The following CRISPLD1 variants were observed in gnomAD, a reference collection of about 807,000 sequenced individuals.
The protein encoded by CRISPLD1 is cysteine-rich secretory protein LCCL domain-containing 1.
In CRISPLD1, 60 loss-of-function variants were observed where a neutral mutation model predicts 77.5. The ratio of observed to expected loss-of-function variants is 0.77; its 90% CI spans 0.63 to 0.96. The LOEUF is 0.96. Among genes scored for constraint, CRISPLD1 ranks in the 40% least tolerant of loss-of-function variants. The probability of loss-of-function intolerance (pLI) is 0.00; values close to 1 mark genes in which losing one functional copy is unlikely to be tolerated. For missense variants in CRISPLD1, 623 were observed against 615.8 expected (o/e 1.01, Z -0.12); for synonymous variants, 195 against 200.1 (o/e 0.97, Z 0.22).
rs1184673738 is a variant in CRISPLD1 at position 75,016,626 on chromosome 8, G to A, written c.789G>A (p.Gln263=). Residue 263 remains glutamine, a synonymous_variant, in exon 7 of 15, where the codon CAG becomes CAA. Coordinates refer to ENST00000262207, the MANE Select transcript of CRISPLD1 (RefSeq NM_031461.6). The part of the protein sequence containing the change: ...EEETNEIERQ[Q]SQVHDTHVRT... The stretch of plus-strand genomic sequence containing the variant: ...AAACAAATGAAATAGAACGACAGCA[G>A]TCACAAGTCCATGACACCCATGTCC... The A allele has an allele frequency of 3.7e-6, 6 of 1,613,602 alleles. No homozygotes were observed. The highest frequency in any genetic ancestry group is 5.1e-6 in the Non-Finnish European group (6 of 1,179,650).
At chr8:74,992,996 G>T (rs569966857) in intron 2 of CRISPLD1, among the ~76,000 whole-genome samples, 2 of 151,508 alleles carry the variant, frequency 1.3e-5, no homozygotes, top group East Asian at 1.9e-4. Flanking sequence ...GTTGAACAGG[G>T]TGATGCTAAT....
At chr8:75,028,140 C>T (rs948396356) in intron 13 of CRISPLD1, among the ~76,000 whole-genome samples, 3 of 152,060 alleles carry the variant, frequency 2.0e-5, no homozygotes, top group African/African-American at 7.2e-5. Context: ...TGTTAAGAAC[C>T]ATATTGGAGG....
chr8:75,017,094 G>T lies in CRISPLD1; in HGVS notation c.977G>T (p.Gly326Val), dbSNP rs778511656. 2 of 1,612,104 alleles carry T rather than the reference G, an allele frequency of 1.2e-6. No individual in the cohort carries two copies. The highest frequency in any genetic ancestry group is 1.7e-6 in the Non-Finnish European group (2 of 1,178,726). ...GCLDSKAKVI[G>V]SVHYEMQSSI... is the part of the protein sequence containing the mutation. ...TTGGATAGTAAAGCTAAAGTTATTG[G>T]CAGTGTACATTATGAAATGGTAAGT... The change falls in exon 9 of 15, where the codon GGC (glycine) becomes GTC (valine). Residue 326 changes from glycine (G) to valine (V), a missense_variant. Gly to Val is a moderately radical substitution (Grantham distance 109, BLOSUM62 -3). Transcript: ENST00000262207.
intron 14 of CRISPLD1, among the ~76,000 whole-genome samples, chr8:75,029,916 T>C (rs972020678): frequency 6.6e-6 from 1 of 152,170 alleles, no homozygotes; most frequent in Non-Finnish European, 1.5e-5. Context: ...ACAAAAACAA[T>C]GTCTGATTTT....
rs957530541 is a variant in CRISPLD1 at position 75,032,738 on chromosome 8, G to C, written c.*496G>C. 2 of 151,770 alleles carry C rather than the reference G, an allele frequency of 1.3e-5. No homozygotes were observed. Among genetic ancestry groups the C allele is most frequent in the African/African-American group, 2.4e-5 (1 of 41,358 alleles). 9.4% of individuals were successfully genotyped at this position (151,770 alleles called of 1,614,324 possible). A position where few individuals can be genotyped will look rare whatever the true frequency, so the allele number is the denominator to read the frequency against. ...TAATTTTCCACTTAATAACTGTAAA[G>C]TTTTTTTCTGTTAATTTAGGCATAT... On this transcript the variant is annotated 3_prime_UTR_variant, in exon 15 of 15. Coordinates refer to ENST00000262207, the MANE Select transcript of CRISPLD1 (RefSeq NM_031461.6).
At chr8:75,021,291 T>A (rs1813131584) in intron 12 of CRISPLD1, among the ~76,000 whole-genome samples, 1 of 152,202 alleles carries the variant, frequency 6.6e-6, no homozygotes, top group African/African-American at 2.4e-5. Flanking sequence ...ACAGAGTACT[T>A]CATTTTCTGT....
At chr8:75,006,101 G>A (rs948816912) in intron 2 of CRISPLD1, among the ~76,000 whole-genome samples, 1 of 151,992 alleles carries the variant, frequency 6.6e-6, no homozygotes, top group Non-Finnish European at 1.5e-5. Flanking sequence ...AGTCCCCAGT[G>A]CCTATTATTT....
In CRISPLD1 at chr8:75,032,780, A is replaced by C. The variant is rs533993989; in HGVS notation, c.*538A>C. ...TAGGCATATAGAATATTAAATTCTG[A>C]TATTGCACTTCTTATTTTATATAAA... On this transcript the variant is annotated 3_prime_UTR_variant, in exon 15 of 15. Transcript: ENST00000262207. The C allele has an allele frequency of 6.6e-6, 1 of 152,080 alleles. No individual in the cohort carries two copies. The highest frequency in any genetic ancestry group is 2.4e-5 in the African/African-American group (1 of 41,566). 9.4% of individuals were successfully genotyped at this position (152,080 alleles called of 1,614,324 possible).
intron 2 of CRISPLD1, among the ~76,000 whole-genome samples, chr8:75,001,954 TTC>T (rs1812749714): frequency 6.6e-6 from 1 of 152,176 alleles, no homozygotes; most frequent in African/African-American, 2.4e-5. Context: ...TTCTTGACCT[TTC>T]TTGACCTAAA....
intron 2 of CRISPLD1, among the ~76,000 whole-genome samples, chr8:74,999,397 A>G (rs535246010): frequency 6.6e-6 from 1 of 152,336 alleles, no homozygotes; most frequent in South Asian, 2.1e-4. Context: ...TATTTTTGTC[A>G]TGGCAAAGCA....
At chr8:75,030,311 A>G (rs1206528629) in intron 14 of CRISPLD1, among the ~76,000 whole-genome samples, 2 of 152,112 alleles carry the variant, frequency 1.3e-5, no homozygotes, top group Non-Finnish European at 2.9e-5. Context: ...CATCCTCACA[A>G]AAATACAAAT....
At chr8:75,002,715 C>T (rs918725303) in intron 2 of CRISPLD1, among the ~76,000 whole-genome samples, 1 of 152,068 alleles carries the variant, frequency 6.6e-6, no homozygotes. Flanking sequence ...CTCCCACCCT[C>T]GGAATTCCTG....
In CRISPLD1 at chr8:75,032,376, T is replaced by A. The variant is rs1813366723; in HGVS notation, c.*134T>A. On this transcript the variant is annotated 3_prime_UTR_variant, in exon 15 of 15. Transcript: ENST00000262207. Reference sequence around the variant, plus strand: ...CAAAAAGGTGCCAAATGCATATAAATCTTGATAAACAAAGTCTATAAAATA... The same window carrying A: ...CAAAAAGGTGCCAAATGCATATAAAACTTGATAAACAAAGTCTATAAAATA... The A allele has an allele frequency of 2.1e-6, 1 of 480,798 alleles. No individual in the cohort carries two copies. The highest frequency in any genetic ancestry group is 4.6e-4 in the Middle Eastern group (1 of 2,190). The allele number at this position is 480,798 out of a possible 1,614,324, so 29.8% of individuals were successfully genotyped here. A position where few individuals can be genotyped will look rare whatever the true frequency, so the allele number is the denominator to read the frequency against.
At chr8:75,013,936 C>A (rs374212057) in intron 4 of CRISPLD1, 51 bp from the exon 5 acceptor site, 3 of 1,172,842 alleles carry the variant, frequency 2.6e-6, no homozygotes, top group African/African-American at 3.0e-5. Flanking sequence ...GAAGTGTTGT[C>A]CTATTTCATT....
chr8:74,986,758 C>CT (rs1812503996), intron 2 of CRISPLD1, among the ~76,000 whole-genome samples: 1 of 152,098 alleles, frequency 6.6e-6, no homozygotes, highest in Non-Finnish European at 1.5e-5. Flanking sequence ...TTGGCAATGG[C>CT]TTTTTTCTCC....
At chr8:75,019,945 A>G (rs373789333) in intron 11 of CRISPLD1, 32 bp downstream of exon 11, 1 of 1,610,116 alleles carries the variant, frequency 6.2e-7, no homozygotes, top group African/African-American at 1.3e-5. Flanking sequence ...TTTTCTTAGT[A>G]CTGTGTAGTA....
chr8:75,020,213 T>A, intron 12 of CRISPLD1, 134 bp downstream of exon 12: 2 of 685,540 alleles, frequency 2.9e-6, no homozygotes, highest in East Asian at 5.4e-5. Context: ...CATCATAAAC[T>A]ACATGCACTC....
chr8:74,997,307 A>G (rs1812661191), intron 2 of CRISPLD1, among the ~76,000 whole-genome samples: 1 of 152,160 alleles, frequency 6.6e-6, no homozygotes. Flanking sequence ...GGGATTCCCG[A>G]TGGGTTTTGC....
At position 74,984,862 on chromosome 8, in the gene CRISPLD1, C is replaced by T. The variant is rs1175315158; in HGVS notation, c.-121C>T. 1 of 152,344 alleles carries T rather than the reference C, an allele frequency of 6.6e-6. No homozygotes were observed. The highest frequency in any genetic ancestry group is 1.5e-5 in the Non-Finnish European group (1 of 68,154). 9.4% of individuals were successfully genotyped at this position (152,344 alleles called of 1,614,324 possible). On this transcript the variant is annotated 5_prime_UTR_variant, in exon 1 of 15. Transcript: ENST00000262207. ...GGTCCCTTGTGAAGGCTCTGGGCGG[C>T]TGCAGAGGCCGGCCGTCCGGTTTGG...
Sources: gnomAD v4.1 joint callset for allele counts (sites outside exome capture counted in the v4.1 genomes callset) on GRCh38, gnomAD v4.1.1 for gene constraint, MANE v1.5 for transcripts, NCBI Gene and HGNC (gene_info 2026-07-23, HGNC 2026-07-21) for gene names.